Variants in PPP2R2B observed in about 807,000 individuals in gnomAD.
The protein encoded by PPP2R2B is protein phosphatase 2 regulatory subunit Bbeta, also known as serine/threonine-protein phosphatase 2A 55 kDa regulatory subunit B beta isoform.
PPP2R2B carries 5 observed loss-of-function variants against 46.0 expected under a neutral mutation model. The ratio of observed to expected loss-of-function variants is 0.11; its 90% CI spans 0.06 to 0.23. The LOEUF (loss-of-function observed/expected upper bound fraction) is 0.23, where lower values mean the gene tolerates loss of function less well. PPP2R2B is among the 10% of genes least tolerant of loss of function. PPP2R2B has a pLI of 1.00. For missense variants in PPP2R2B, 367 were observed against 575.0 expected (o/e 0.64, Z 3.70); for synonymous variants, 215 against 206.7 (o/e 1.04, Z -0.34).
chr5:146,645,721 G>A (rs1399928413), intron 6 of PPP2R2B, among the ~76,000 whole-genome samples: 1 of 152,204 alleles, frequency 6.6e-6, no homozygotes, highest in Non-Finnish European at 1.5e-5. Flanking sequence ...TAGGACCAAG[G>A]TCAAAGTTGA....
chr5:147,003,938 C>A (rs1305584299), intron 1 of PPP2R2B, among the ~76,000 whole-genome samples: 4 of 152,088 alleles, frequency 2.6e-5, no homozygotes, highest in Non-Finnish European at 4.4e-5. Context: ...ACCCAATCAA[C>A]AGATATCAGG....
intron 2 of PPP2R2B, among the ~76,000 whole-genome samples, chr5:146,859,141 T>G (rs937662390): frequency 6.6e-6 from 1 of 152,174 alleles, no homozygotes; most frequent in Admixed American, 6.5e-5. Context: ...CACCATAAAC[T>G]AGGTATGTGA....
At chr5:146,860,321 C>T (rs1760910268) in intron 2 of PPP2R2B, among the ~76,000 whole-genome samples, 3 of 152,312 alleles carry the variant, frequency 2.0e-5, no homozygotes, top group Admixed American at 2.0e-4. Flanking sequence ...TGATTAATCA[C>T]TCAAACTCTG....
intron 2 of PPP2R2B, among the ~76,000 whole-genome samples, chr5:146,716,644 C>G (rs767932970): frequency 4.6e-5 from 7 of 152,160 alleles, no homozygotes; most frequent in Non-Finnish European, 2.9e-5. Context: ...TCACTCAATA[C>G]TACCCTGCAT....
rs117616369 is a variant in PPP2R2B, at chr5:146,983,020, T to C, written c.79+72645A>G. ...CTTTAATTGGTGTATGTGGACTATT[T>C]AGATTCAATTACATTTTTATATATT... On this transcript the variant is annotated intron_variant, in intron 1 of 8. Transcript: ENST00000336640. Among the ~76,000 whole-genome samples the C allele has an allele frequency of 7.5e-4, 114 of 152,204 alleles. 2 individuals are homozygous for C. The East Asian group carries it at 0.02, about 26-fold the overall frequency.
chr5:146,664,110 G>C (rs1181656336), intron 5 of PPP2R2B, among the ~76,000 whole-genome samples: 3 of 152,100 alleles, frequency 2.0e-5, no homozygotes, highest in African/African-American at 7.2e-5. Flanking sequence ...AAAGTGCTGG[G>C]ATTACAGGCA....
chr5:146,805,458 T>C (rs1757118970), intron 2 of PPP2R2B, among the ~76,000 whole-genome samples: 1 of 152,124 alleles, frequency 6.6e-6, no homozygotes, highest in African/African-American at 2.4e-5. Flanking sequence ...CAAAAATCAA[T>C]GGTTTTGAAA....
intron 1 of PPP2R2B, among the ~76,000 whole-genome samples, chr5:147,011,138 G>A (rs1273365459): frequency 6.6e-6 from 1 of 152,072 alleles, no homozygotes; most frequent in African/African-American, 2.4e-5. Context: ...TATTTTATAT[G>A]TCACAGGCAC....
At chr5:146,908,479 T>G (rs1331488619) in intron 1 of PPP2R2B, among the ~76,000 whole-genome samples, 1 of 152,134 alleles carries the variant, frequency 6.6e-6, no homozygotes, top group Non-Finnish European at 1.5e-5. Context: ...AACATACATA[T>G]GTATACAGCT....
rs536943339 is a variant in PPP2R2B, at chr5:146,980,859, T to C, written c.79+74806A>G. The stretch of plus-strand genomic sequence containing the variant: ...CATGACACTAGTTAATTGCATTATT[T>C]AAAAACTCTATATCCTTACTAGTTT... On this transcript the variant is annotated intron_variant, in intron 1 of 8. Transcript: ENST00000336640. Among the ~76,000 whole-genome samples, 5 of 152,296 alleles carry C rather than the reference T, an allele frequency of 3.3e-5. 1 individual carries two copies. In the East Asian group the frequency reaches 9.6e-4, roughly 29 times the overall value.
chr5:146,788,192 G>T (rs160973), intron 2 of PPP2R2B, among the ~76,000 whole-genome samples: 1 of 152,032 alleles, frequency 6.6e-6, no homozygotes, highest in African/African-American at 2.4e-5. Context: ...GCTATATTTT[G>T]TCTTGGAGGA....
rs1347518868 is a variant in PPP2R2B at position 146,878,225 on chromosome 5, A to G, written c.-124-30T>C. ...GGAGGAGACGGGGAGGCGGAGAGAA[A>G]AAAAATAAAAACCCGGCAATGGAGC... On this transcript the variant is annotated intron_variant, in intron 1 of 9. Transcript: ENST00000394411. This position sits in a 1 kb window ranked among gnomAD's most constrained non-coding sequence, Gnocchi z 4.5. 2 of 1,534,166 alleles carry G rather than the reference A, an allele frequency of 1.3e-6. No individual in the cohort carries two copies. Among genetic ancestry groups the G allele is most frequent in the East Asian group, 2.5e-5 (1 of 40,792 alleles).
At chr5:147,027,789 C>T (rs905738585) in intron 1 of PPP2R2B, among the ~76,000 whole-genome samples, 4 of 152,112 alleles carry the variant, frequency 2.6e-5, no homozygotes, top group Non-Finnish European at 5.9e-5. Context: ...GAATTATACT[C>T]TTTAAAATGG....
chr5:146,901,369 G>T (rs1762831055), intron 1 of PPP2R2B, among the ~76,000 whole-genome samples: 1 of 152,062 alleles, frequency 6.6e-6, no homozygotes, highest in African/African-American at 2.4e-5. Flanking sequence ...GCCAGGTGTT[G>T]TGACATGCAC....
intron 2 of PPP2R2B, among the ~76,000 whole-genome samples, chr5:146,714,453 T>G (rs1483511952): frequency 6.6e-6 from 1 of 152,034 alleles, no homozygotes; most frequent in Non-Finnish European, 1.5e-5. Flanking sequence ...ACTTTCACAG[T>G]GTCATAGAAA....
chr5:146,791,350 T>G (rs1286282593), intron 2 of PPP2R2B, among the ~76,000 whole-genome samples: 1 of 152,196 alleles, frequency 6.6e-6, no homozygotes, highest in Admixed American at 6.5e-5. Context: ...CCCCCCTTTT[T>G]CTATTAAGAA....
At chr5:146,871,249 CA>C (rs1308069409) in intron 2 of PPP2R2B, among the ~76,000 whole-genome samples, 1 of 152,200 alleles carries the variant, frequency 6.6e-6, no homozygotes, top group Non-Finnish European at 1.5e-5. Flanking sequence ...TATTTATGTG[CA>C]AAAGAACATC....
chr5:146,652,556 T>C (rs2151096559), intron 5 of PPP2R2B, among the ~76,000 whole-genome samples: 1 of 152,192 alleles, frequency 6.6e-6, no homozygotes, highest in East Asian at 1.9e-4. Flanking sequence ...TGAGAATGTA[T>C]GTATTGGAAT....
chr5:147,014,498 A>G (rs1424551335), intron 1 of PPP2R2B, among the ~76,000 whole-genome samples: 29 of 152,160 alleles, frequency 1.9e-4, no homozygotes, highest in Non-Finnish European at 7.3e-5. Flanking sequence ...AATGTCCAAC[A>G]ATGATAGACT....
Sources: allele counts gnomAD v4.1 joint callset (sites outside exome capture counted in the v4.1 genomes callset), GRCh38; gene constraint gnomAD v4.1.1; non-coding constraint Gnocchi (gnomAD v3.1); transcripts MANE v1.5; gene names NCBI Gene and HGNC (gene_info 2026-07-23, HGNC 2026-07-21).